Variants in ARAP1 observed in about 807,000 individuals in gnomAD.
ARAP1 encodes the protein ArfGAP with RhoGAP domain, ankyrin repeat and PH domain 1.
In ARAP1, 76 loss-of-function variants were observed where a neutral mutation model predicts 172.2. The observed-to-expected ratio is 0.44, with a 90% CI of 0.37 to 0.53. The LOEUF is 0.53. Ranked by LOEUF, ARAP1 falls within the 20% of genes least tolerant of loss-of-function variation. The probability of loss-of-function intolerance (pLI) is 0.00; values close to 1 mark genes in which losing one functional copy is unlikely to be tolerated. For missense variants in ARAP1, 1,686 were observed against 1,977.5 expected (o/e 0.85, Z 2.80); for synonymous variants, 804 against 803.3 (o/e 1.00, Z -0.01).
chr11:72,706,069 T>A (rs11607038), intron 12 of ARAP1, among the ~76,000 whole-genome samples, 179 bp from the exon 13 acceptor site: 41,955 of 152,140 alleles, frequency 0.28, 7,099 homozygotes, highest in Non-Finnish European at 0.39. Context: ...AGGGCAGGAC[T>A]GAGCCCCGTA....
At chr11:72,707,712 T>C (rs1240827629) in intron 11 of ARAP1, among the ~76,000 whole-genome samples, 3 of 152,022 alleles carry the variant, frequency 2.0e-5, no homozygotes, top group Non-Finnish European at 2.9e-5. Context: ...GGGAACAGCA[T>C]GTGCAAAGGG....
intron 1 of ARAP1, among the ~76,000 whole-genome samples, chr11:72,743,078 C>A (rs976787919): frequency 3.3e-5 from 5 of 152,220 alleles, no homozygotes; most frequent in Non-Finnish European, 5.9e-5. Flanking sequence ...CCTCTATCTC[C>A]TTACTCTGTT....
At chr11:72,746,252 G>T (rs1351483529) in intron 1 of ARAP1, among the ~76,000 whole-genome samples, 1 of 152,148 alleles carries the variant, frequency 6.6e-6, no homozygotes, top group Non-Finnish European at 1.5e-5. Context: ...CAAGATAACT[G>T]AGTGCCCCTC....
chr11:72,685,602 G>C lies in ARAP1; in HGVS notation c.*62C>G, dbSNP rs757217540. On this transcript the variant is annotated 3_prime_UTR_variant, in exon 35 of 35. Coordinates refer to ENST00000393609, the MANE Select transcript of ARAP1 (RefSeq NM_001040118.3). The stretch of plus-strand genomic sequence containing the variant: ...GCTCACATCAGGCCTTGGAGCATAA[G>C]GGGTGTCTGAACAGAAGGCTTCCAG... 1.9e-6 allele frequency: 3 copies of C among 1,611,402 alleles called. No homozygotes were observed. The highest frequency in any genetic ancestry group is 2.5e-6 in the Non-Finnish European group (3 of 1,177,550).
At chr11:72,738,017 T>G (rs970595393) in intron 1 of ARAP1, among the ~76,000 whole-genome samples, 1 of 152,222 alleles carries the variant, frequency 6.6e-6, no homozygotes, top group African/African-American at 2.4e-5. Flanking sequence ...CCAGGTCACC[T>G]GCTGGAGCTC....
At chr11:72,752,220 A>T (rs543893784) in intron 1 of ARAP1, 108 bp downstream of exon 1, 1 of 152,338 alleles carries the variant, frequency 6.6e-6, no homozygotes, top group East Asian at 1.9e-4. Flanking sequence ...TGACCCGGGG[A>T]AGCAGAAGCA....
intron 11 of ARAP1, 73 bp downstream of exon 11, chr11:72,709,797 T>A (rs1490032365): frequency 4.1e-5 from 62 of 1,525,414 alleles, no homozygotes; most frequent in Non-Finnish European, 5.5e-5. Flanking sequence ...AAGGGGCAGC[T>A]TCCCACGTCG....
At chr11:72,736,111 A>T (rs1858015508) in intron 1 of ARAP1, among the ~76,000 whole-genome samples, 1 of 151,942 alleles carries the variant, frequency 6.6e-6, no homozygotes, top group African/African-American at 2.4e-5. Flanking sequence ...TAAAATGTTA[A>T]TGTTTTATAT....
chr11:72,685,887 C>T, intron 34 of ARAP1, 155 bp downstream of exon 34: 1 of 1,443,812 alleles, frequency 6.9e-7, no homozygotes. Context: ...ATGGTGTGAA[C>T]CAAAGAGGCC....
chr11:72,703,378 T>A, intron 14 of ARAP1: 1 of 201,900 alleles, frequency 5.0e-6, no homozygotes, highest in Non-Finnish European at 9.6e-6. Flanking sequence ...CTCCAGAGGA[T>A]CTCAAGCTCC....
chr11:72,725,020 G>A lies in ARAP1; in HGVS notation c.509+1600C>T, dbSNP rs1055357280. ...CTGAACTCAGATGTCAGTGCCAGGA[G>A]GGCCCAGAAGTCTATGGAGGACCAC... On this transcript the variant is annotated intron_variant, in intron 3 of 34. Coordinates refer to ENST00000393609, the MANE Select transcript of ARAP1 (RefSeq NM_001040118.3). The surrounding 1 kb of genome is among the most constrained non-coding windows in gnomAD (Gnocchi z 4.3). Among the ~76,000 whole-genome samples the A allele has an allele frequency of 6.6e-6, 1 of 152,150 alleles. No individual in the cohort carries two copies. Among genetic ancestry groups the A allele is most frequent in the African/African-American group, 2.4e-5 (1 of 41,420 alleles).
rs748618580 is a variant in ARAP1, at chr11:72,697,189, G to A, written c.2960C>T (p.Thr987Ile). ...CVDYITQCGL[T>I]SEGIYRKCGQ... ...ACACTTGCGGTAGATGCCCTCGGAG[G>A]TCAGGCCTAGGGAGGGGCGGGGCCA... is the stretch of plus-strand genomic sequence containing the variant. Residue 987 changes from threonine to isoleucine, a missense_variant, in exon 22 of 35, where the codon ACC becomes ATC. Thr to Ile is a moderately conservative substitution (Grantham distance 89). Coordinates refer to ENST00000393609, the MANE Select transcript of ARAP1 (RefSeq NM_001040118.3). 1 of 1,602,144 alleles carries A rather than the reference G, an allele frequency of 6.2e-7. No individual in the cohort carries two copies. Among genetic ancestry groups the A allele is most frequent in the Non-Finnish European group, 8.5e-7 (1 of 1,179,428 alleles).
intron 1 of ARAP1, among the ~76,000 whole-genome samples, chr11:72,749,904 C>A (rs1253823448): frequency 3.3e-5 from 5 of 152,130 alleles, no homozygotes; most frequent in Non-Finnish European, 7.4e-5. Flanking sequence ...TCCCTCTCTC[C>A]CCTTTCCCCC....
intron 3 of ARAP1, 46 bp from the exon 4 acceptor site, chr11:72,714,367 G>C: frequency 6.6e-7 from 1 of 1,523,720 alleles, no homozygotes; most frequent in Non-Finnish European, 8.8e-7. Context: ...ACAGAGCCAA[G>C]ACTGAAACAT....
chr11:72,701,756 G>A lies in ARAP1; in HGVS notation c.2195C>T (p.Pro732Leu). The A allele has an allele frequency of 1.2e-6, 2 of 1,613,862 alleles. No individual in the cohort carries two copies. Among genetic ancestry groups the A allele is most frequent in the Admixed American group, 1.7e-5 (1 of 59,988 alleles). ...TEVPRLDSMKPLEKHYSVVLP... is the reference protein window; with the variant it reads ...TEVPRLDSMKLLEKHYSVVLP... ...GACAACTGAGTAGTGCTTTTCCAGG[G>A]GCTTCATCGAGTCCAGCCGAGGCAC... Residue 732 changes from proline (P) to leucine (L), a missense_variant, in exon 16 of 35, where the codon CCC becomes CTC. Transcript: ENST00000393609.
chr11:72,704,339 G>T lies in ARAP1; in HGVS notation c.1810-5C>A. ...ATTCCCCAGCTGTAAGAAGAGCTGTGGGGGTGTGCAGGAGGTCAGACGGGC... is the reference window on the plus strand; with the variant it reads ...ATTCCCCAGCTGTAAGAAGAGCTGTTGGGGTGTGCAGGAGGTCAGACGGGC... On this transcript the variant is annotated splice_polypyrimidine_tract_variant and splice_region_variant and intron_variant, in intron 13 of 34. Transcript: ENST00000393609. 6.4e-7 allele frequency: 1 copy of T among 1,568,598 alleles called. No individual in the cohort carries two copies. The highest frequency in any genetic ancestry group is 8.6e-7 in the Non-Finnish European group (1 of 1,157,744).
At chr11:72,724,035 TC>T (rs1343278756) in intron 3 of ARAP1, among the ~76,000 whole-genome samples, 3 of 152,126 alleles carry the variant, frequency 2.0e-5, no homozygotes, top group Non-Finnish European at 4.4e-5. Context: ...AGCACAAAGG[TC>T]CTGATAAACT....
chr11:72,687,210 C>G (rs1389260020), intron 33 of ARAP1: 1 of 593,814 alleles, frequency 1.7e-6, no homozygotes, highest in Non-Finnish European at 3.0e-6. Context: ...GAGGGGTGCC[C>G]CAAGGGCAGG....
In ARAP1 at chr11:72,746,973, G is replaced by A. The variant is rs375780287; in HGVS notation, c.-128+5355C>T. Among the ~76,000 whole-genome samples, 6 of 152,210 alleles carry A rather than the reference G, an allele frequency of 3.9e-5. No homozygotes were observed. In the South Asian group the frequency reaches 1.2e-3, roughly 32 times the overall value. On this transcript the variant is annotated intron_variant, in intron 1 of 34. Coordinates refer to ENST00000393609, the MANE Select transcript of ARAP1 (RefSeq NM_001040118.3). Reference sequence around the variant, plus strand: ...GGGTGGGGCAGTGCTCGCTGGGCCAGTAGGAAAGCTGGCAGGGGAGACCCT... The same window carrying A: ...GGGTGGGGCAGTGCTCGCTGGGCCAATAGGAAAGCTGGCAGGGGAGACCCT...
Sources: gnomAD v4.1 joint callset for allele counts (sites outside exome capture counted in the v4.1 genomes callset) on GRCh38, gnomAD v4.1.1 for gene constraint, Gnocchi (gnomAD v3.1) non-coding constraint, MANE v1.5 for transcripts, NCBI Gene and HGNC (gene_info 2026-07-23, HGNC 2026-07-21) for gene names.